The following NYAP2 variants were observed in gnomAD, a reference collection of about 807,000 sequenced individuals.
The protein encoded by NYAP2 is neuronal tyrosine-phosphorylated phosphoinositide-3-kinase adapter 2.
NYAP2 carries 23 observed loss-of-function variants against 50.4 expected under a neutral mutation model. That is an observed-to-expected ratio of 0.46 (90% CI 0.33 to 0.65). The LOEUF is 0.65. Ranked by LOEUF, NYAP2 falls within the 30% of genes least tolerant of loss-of-function variation. The probability of loss-of-function intolerance (pLI) is 0.02; values close to 1 mark genes in which losing one functional copy is unlikely to be tolerated. For synonymous variants in NYAP2, 394 were observed against 365.2 expected (o/e 1.08, Z -0.90); for missense variants, 885 against 861.0 (o/e 1.03, Z -0.35).
At chr2:225,538,220 C>T (rs546297439) in intron 4 of NYAP2, among the ~76,000 whole-genome samples, 1 of 152,218 alleles carries the variant, frequency 6.6e-6, no homozygotes, top group East Asian at 1.9e-4. Flanking sequence ...TCTCACAACT[C>T]CACTAGACAG....
chr2:225,655,544 A>G (rs554252417), downstream of NYAP2, among the ~76,000 whole-genome samples: 34 of 152,300 alleles, frequency 2.2e-4, no homozygotes, highest in African/African-American at 7.7e-4. Context: ...TCTCTTTTGT[A>G]TTCTCTGTAA....
chr2:225,489,534 A>T (rs944742429), intron 3 of NYAP2, among the ~76,000 whole-genome samples: 6 of 152,164 alleles, frequency 3.9e-5, no homozygotes, highest in African/African-American at 1.4e-4. Context: ...GCTGGTAATT[A>T]ATCATAAAAT....
chr2:225,458,945 T>A (rs2106152483), intron 3 of NYAP2, among the ~76,000 whole-genome samples: 1 of 152,328 alleles, frequency 6.6e-6, no homozygotes, highest in African/African-American at 2.4e-5. Context: ...TTGCTTAAAC[T>A]TTTCATTGGT....
At chr2:225,618,456 T>C (rs1368704667) in intron 5 of NYAP2, among the ~76,000 whole-genome samples, 1 of 152,214 alleles carries the variant, frequency 6.6e-6, no homozygotes, top group African/African-American at 2.4e-5. Flanking sequence ...TATGGCAGGC[T>C]CCGAGGTCAC....
intron 4 of NYAP2, among the ~76,000 whole-genome samples, chr2:225,513,937 C>G (rs1182471594): frequency 6.6e-6 from 1 of 152,166 alleles, no homozygotes; most frequent in Non-Finnish European, 1.5e-5. Context: ...AAAAATTATT[C>G]TGCCCAGAAA....
intron 5 of NYAP2, among the ~76,000 whole-genome samples, chr2:225,595,741 C>T (rs548831184): frequency 6.6e-6 from 1 of 152,254 alleles, no homozygotes; most frequent in Admixed American, 6.5e-5. Context: ...ATCAAATTGC[C>T]CACTGATGTT....
chr2:225,470,299 C>A (rs1156352085), intron 3 of NYAP2, among the ~76,000 whole-genome samples: 2 of 152,014 alleles, frequency 1.3e-5, no homozygotes, highest in Admixed American at 6.6e-5. Context: ...TTCTTCACTT[C>A]TCTTCATTCT....
intron 5 of NYAP2, among the ~76,000 whole-genome samples, chr2:225,589,653 C>A (rs1282109257): frequency 6.6e-6 from 1 of 151,126 alleles, no homozygotes; most frequent in Non-Finnish European, 1.5e-5. Context: ...TATAATCACA[C>A]CATTGCTCTC....
intron 5 of NYAP2, 116 bp downstream of exon 5, chr2:225,583,151 A>T (rs989509967): frequency 1.4e-5 from 17 of 1,222,418 alleles, no homozygotes; most frequent in South Asian, 1.6e-5. Flanking sequence ...CTTGGAGTTG[A>T]AATCTTAGCA....
chr2:225,628,003 C>G (rs780991634), intron 6 of NYAP2, among the ~76,000 whole-genome samples: 5 of 152,164 alleles, frequency 3.3e-5, no homozygotes, highest in Non-Finnish European at 7.3e-5. Context: ...CTTGTGGTCT[C>G]TCAGACAGTC....
intron 4 of NYAP2, among the ~76,000 whole-genome samples, chr2:225,522,835 T>C (rs946908722): frequency 6.6e-6 from 1 of 152,202 alleles, no homozygotes; most frequent in Non-Finnish European, 1.5e-5. Context: ...CACGTGCCTT[T>C]CTTTCATGTA....
intron 5 of NYAP2, among the ~76,000 whole-genome samples, chr2:225,598,460 TAAAAAA>T (rs1692643682): frequency 6.6e-6 from 1 of 152,218 alleles, no homozygotes; most frequent in Non-Finnish European, 1.5e-5. Flanking sequence ...GGAAGACTGT[TAAAAAA>T]TATGATTTGT....
intron 5 of NYAP2, among the ~76,000 whole-genome samples, chr2:225,589,992 C>T (rs954372276): frequency 4.6e-5 from 7 of 152,072 alleles, no homozygotes; most frequent in South Asian, 2.1e-4. Context: ...GGGCTGGATT[C>T]GGAACCTCTT....
intron 4 of NYAP2, among the ~76,000 whole-genome samples, chr2:225,532,333 T>G (rs1485064268): frequency 6.6e-6 from 1 of 152,240 alleles, no homozygotes; most frequent in African/African-American, 2.4e-5. Flanking sequence ...ATAGACTTAT[T>G]GCATAAAGAG....
At chr2:225,431,248 TCA>T (rs749850598) in intron 3 of NYAP2, among the ~76,000 whole-genome samples, 1 of 152,252 alleles carries the variant, frequency 6.6e-6, no homozygotes, top group African/African-American at 2.4e-5. Context: ...ATCAAATACA[TCA>T]CAGTTACGTG....
At chr2:225,495,874 C>G (rs2106174141) in intron 3 of NYAP2, among the ~76,000 whole-genome samples, 1 of 152,254 alleles carries the variant, frequency 6.6e-6, no homozygotes, top group South Asian at 2.1e-4. Context: ...GACCGCAGAC[C>G]AAATCTGGTT....
chr2:225,419,446 G>C (rs919820334), intron 3 of NYAP2, among the ~76,000 whole-genome samples: 1 of 152,174 alleles, frequency 6.6e-6, no homozygotes, highest in African/African-American at 2.4e-5. Flanking sequence ...GTAATGCTGT[G>C]GATGTGGGTG....
chr2:225,414,948 C>CTACCA (rs1328886754), intron 3 of NYAP2, among the ~76,000 whole-genome samples: 7 of 152,124 alleles, frequency 4.6e-5, no homozygotes, highest in Non-Finnish European at 1.0e-4. Flanking sequence ...TTCTGAGCAT[C>CTACCA]ATATCTACCA....
intron 2 of NYAP2, among the ~76,000 whole-genome samples, chr2:225,406,821 A>G (rs913552193): frequency 2.0e-5 from 3 of 152,054 alleles, no homozygotes; most frequent in African/African-American, 7.2e-5. Context: ...AAGACCACTT[A>G]GGAAGGTAAT....
Sources: allele counts gnomAD v4.1 joint callset (sites outside exome capture counted in the v4.1 genomes callset), GRCh38; gene constraint gnomAD v4.1.1; transcripts MANE v1.5; gene names NCBI Gene and HGNC (gene_info 2026-07-23, HGNC 2026-07-21).